Variants in ROBO1 observed in about 807,000 individuals in gnomAD.
ROBO1 encodes roundabout guidance receptor 1.
ROBO1 carries 149 observed loss-of-function variants against 195.9 expected under a neutral mutation model. The observed-to-expected ratio is 0.76, with a 90% CI of 0.67 to 0.87. The LOEUF (loss-of-function observed/expected upper bound fraction) is 0.87. ROBO1 is among the 40% of genes least tolerant of loss of function. The probability of loss-of-function intolerance (pLI) is 0.00; values close to 1 mark genes in which losing one functional copy is unlikely to be tolerated. For synonymous variants in ROBO1, 816 were observed against 733.2 expected (o/e 1.11, Z -1.82); for missense variants, 1,933 against 2,068.3 (o/e 0.93, Z 1.27).
At chr3:79,422,549 C>A (rs2038271177) in intron 2 of ROBO1, among the ~76,000 whole-genome samples, 2 of 152,072 alleles carry the variant, frequency 1.3e-5, no homozygotes, top group African/African-American at 4.8e-5. Context: ...ACCACTTAAT[C>A]TTTTACTACA....
chr3:79,058,789 G>T (rs185830330), intron 3 of ROBO1, among the ~76,000 whole-genome samples: 1 of 152,150 alleles, frequency 6.6e-6, no homozygotes, highest in African/African-American at 2.4e-5. Context: ...CTCACACCTT[G>T]GGAATCCTCC....
At chr3:79,316,641 A>T (rs1373890706) in intron 2 of ROBO1, among the ~76,000 whole-genome samples, 1 of 152,130 alleles carries the variant, frequency 6.6e-6, no homozygotes, top group Admixed American at 6.6e-5. Context: ...GTGAGAACTT[A>T]TTAAGAAGTT....
At chr3:79,018,908 C>T in intron 3 of ROBO1, 3 of 989,250 alleles carry the variant, frequency 3.0e-6, no homozygotes, top group Non-Finnish European at 3.6e-6. Flanking sequence ...CCAAAAAGTG[C>T]TTCTCCGTCT....
At chr3:79,474,523 G>T (rs1938446050) in intron 2 of ROBO1, among the ~76,000 whole-genome samples, 1 of 152,038 alleles carries the variant, frequency 6.6e-6, no homozygotes, top group African/African-American at 2.4e-5. Context: ...TTTCTCAAAA[G>T]AGTACATGGT....
intron 5 of ROBO1, among the ~76,000 whole-genome samples, chr3:78,733,443 A>G (rs1399593866): frequency 6.6e-6 from 1 of 152,062 alleles, no homozygotes; most frequent in African/African-American, 2.4e-5. Flanking sequence ...ATGTCCACAG[A>G]AAGAAAAAAA....
At chr3:79,690,288 C>G (rs530138683) in intron 1 of ROBO1, among the ~76,000 whole-genome samples, 47 of 152,000 alleles carry the variant, frequency 3.1e-4, no homozygotes, top group Non-Finnish European at 6.2e-4. Flanking sequence ...CTAATCTAAT[C>G]ACACAAATCC....
chr3:78,981,999 C>G (rs1241845929), intron 3 of ROBO1, among the ~76,000 whole-genome samples: 1 of 152,072 alleles, frequency 6.6e-6, no homozygotes, highest in Non-Finnish European at 1.5e-5. Context: ...TCCAGACAGC[C>G]TTGTTCTGTA....
At chr3:79,108,891 G>A (rs1218764215) in intron 3 of ROBO1, among the ~76,000 whole-genome samples, 1 of 151,850 alleles carries the variant, frequency 6.6e-6, no homozygotes, top group African/African-American at 2.4e-5. Flanking sequence ...AAGAAATAAT[G>A]AACAAGCATA....
chr3:79,146,137 TA>T (rs1160223950), intron 2 of ROBO1, among the ~76,000 whole-genome samples: 6 of 151,680 alleles, frequency 4.0e-5, no homozygotes, highest in African/African-American at 1.5e-4. Flanking sequence ...CAAATACCAA[TA>T]AAAGTGTCTG....
At chr3:79,638,694 AG>A (rs1187614111) in intron 1 of ROBO1, among the ~76,000 whole-genome samples, 1 of 152,240 alleles carries the variant, frequency 6.6e-6, no homozygotes, top group Non-Finnish European at 1.5e-5. Flanking sequence ...GTCTGAGAGA[AG>A]GAAAATCTTT....
At chr3:78,986,062 T>C (rs939750071) in intron 3 of ROBO1, among the ~76,000 whole-genome samples, 1 of 152,270 alleles carries the variant, frequency 6.6e-6, no homozygotes, top group Middle Eastern at 3.4e-3. Context: ...GCTTATGGCA[T>C]CTCATCTTCT....
chr3:79,666,071 T>G (rs1253358618), intron 1 of ROBO1, among the ~76,000 whole-genome samples: 1 of 151,986 alleles, frequency 6.6e-6, no homozygotes, highest in African/African-American at 2.4e-5. Flanking sequence ...AAATGTGGCA[T>G]GTTTTTGAAT....
intron 8 of ROBO1, among the ~76,000 whole-genome samples, chr3:78,703,796 A>G (rs1172096840): frequency 7.0e-6 from 1 of 142,382 alleles, no homozygotes; most frequent in African/African-American, 2.7e-5. Flanking sequence ...TTTAATATAT[A>G]TATTTACCAC....
At chr3:79,603,830 A>G (rs903263093) in intron 1 of ROBO1, among the ~76,000 whole-genome samples, 2 of 151,994 alleles carry the variant, frequency 1.3e-5, no homozygotes, top group African/African-American at 4.8e-5. Context: ...CTTTCCCAAT[A>G]CCCTCACATA....
intron 1 of ROBO1, among the ~76,000 whole-genome samples, chr3:79,675,895 A>T (rs1400590593): frequency 6.6e-6 from 1 of 152,100 alleles, no homozygotes; most frequent in African/African-American, 2.4e-5. Context: ...TTTCCAGCAG[A>T]TCATTCTCTT....
At chr3:79,183,505 A>G (rs1272987572) in intron 2 of ROBO1, among the ~76,000 whole-genome samples, 1 of 152,236 alleles carries the variant, frequency 6.6e-6, no homozygotes, top group African/African-American at 2.4e-5. Flanking sequence ...TGAATTAATA[A>G]ATTCTGGTAA....
intron 4 of ROBO1, among the ~76,000 whole-genome samples, chr3:78,783,827 T>G (rs926631245): frequency 6.6e-6 from 1 of 152,146 alleles, no homozygotes; most frequent in South Asian, 2.1e-4. Context: ...AACCAGGATA[T>G]CTGATTGCAG....
chr3:78,623,845 T>C (rs1704599018), intron 26 of ROBO1, among the ~76,000 whole-genome samples: 1 of 152,080 alleles, frequency 6.6e-6, no homozygotes, highest in African/African-American at 2.4e-5. Flanking sequence ...AGAAAGAGAT[T>C]TGTAGAGAAA....
intron 4 of ROBO1, among the ~76,000 whole-genome samples, chr3:78,897,445 G>T (rs947393420): frequency 6.6e-6 from 1 of 152,142 alleles, no homozygotes; most frequent in Non-Finnish European, 1.5e-5. Flanking sequence ...CATATCCCAA[G>T]TAGTTAGCAT....
Sources: gnomAD v4.1 joint callset for allele counts (sites outside exome capture counted in the v4.1 genomes callset) on GRCh38, gnomAD v4.1.1 for gene constraint, MANE v1.5 for transcripts, NCBI Gene and HGNC (gene_info 2026-07-23, HGNC 2026-07-21) for gene names.